Variants in NTRK2 observed in about 807,000 individuals in gnomAD.
NTRK2 encodes the protein neurotrophic receptor tyrosine kinase 2, also known as BDNF/NT-3 growth factors receptor.
NTRK2 carries 13 observed loss-of-function variants against 94.5 expected under a neutral mutation model. The ratio of observed to expected loss-of-function variants is 0.14; its 90% CI spans 0.09 to 0.22. The LOEUF (loss-of-function observed/expected upper bound fraction) is 0.22. Ranked by LOEUF, NTRK2 falls within the 10% of genes least tolerant of loss-of-function variation. NTRK2 has a pLI of 1.00. For missense variants in NTRK2, 639 were observed against 1,071.2 expected, an observed-to-expected ratio of 0.60 and a Z score of 5.63; for synonymous variants, 372 against 407.4, an observed-to-expected ratio of 0.91 and a Z score of 1.05.
At chr9:84,696,254 T>C (rs1356055575) in intron 2 of NTRK2, among the ~76,000 whole-genome samples, 2 of 152,224 alleles carry the variant, frequency 1.3e-5, no homozygotes, top group Non-Finnish European at 2.9e-5. Flanking sequence ...GCCTCCTGCC[T>C]TGGCCTCCCA....
chr9:84,907,950 C>G (rs143367458), intron 14 of NTRK2, among the ~76,000 whole-genome samples: 3 of 152,158 alleles, frequency 2.0e-5, no homozygotes, highest in African/African-American at 7.2e-5. Context: ...CAGGAGATGT[C>G]CCCTGAAGAT....
chr9:84,804,605 C>A (rs538456162), intron 12 of NTRK2, among the ~76,000 whole-genome samples: 1 of 152,278 alleles, frequency 6.6e-6, no homozygotes, highest in South Asian at 2.1e-4. Context: ...TTTCAGCACT[C>A]TGGCTTCATA....
chr9:84,718,696 T>G (rs2061868966), intron 6 of NTRK2, among the ~76,000 whole-genome samples: 1 of 152,214 alleles, frequency 6.6e-6, no homozygotes, highest in African/African-American at 2.4e-5. Context: ...TTGGAAACGT[T>G]GCTGGGCTTT....
chr9:84,767,876 T>A (rs1434593734), intron 12 of NTRK2, among the ~76,000 whole-genome samples: 2 of 152,236 alleles, frequency 1.3e-5, no homozygotes, highest in African/African-American at 4.8e-5. Context: ...ACATATTTAT[T>A]CTAGTCTGAT....
In NTRK2 at chr9:84,894,500, A is replaced by G. The variant is rs148058357; in HGVS notation, c.1633+27069A>G. 1.5e-3 allele frequency among the ~76,000 whole-genome samples: 232 copies of G among 152,264 alleles called. 3 individuals carry two copies. Among genetic ancestry groups the G allele is most frequent in the Non-Finnish European group, 2.5e-3 (171 of 68,020 alleles). On this transcript the variant is annotated intron_variant, in intron 14 of 18. Coordinates refer to ENST00000277120, the MANE Select transcript of NTRK2 (RefSeq NM_006180.6). ...CCCATCAGATACTACTCAGCAAATA[A>G]CAGGAAGATTCCCCCACCATACCCC...
At position 84,775,848 on chromosome 9, in the gene NTRK2, C is replaced by T. The variant is rs184897589; in HGVS notation, c.1396+23763C>T. 1.5e-3 allele frequency among the ~76,000 whole-genome samples: 232 copies of T among 152,264 alleles called. 2 individuals carry two copies. Among genetic ancestry groups the T allele is most frequent in the Non-Finnish European group, 3.4e-4 (23 of 68,018 alleles). The stretch of plus-strand genomic sequence containing the variant: ...GATCTGGGGCCTCATCCCAGACCTA[C>T]TGAATTCAAATCTGAATTTTAATGA... On this transcript the variant is annotated intron_variant, in intron 12 of 18. Coordinates refer to ENST00000277120, the MANE Select transcript of NTRK2 (RefSeq NM_006180.6).
intron 14 of NTRK2, chr9:84,871,710 C>A: frequency 1.7e-6 from 2 of 1,197,112 alleles, no homozygotes; most frequent in South Asian, 2.4e-5. Context: ...AGATGGTTTG[C>A]AGGATTGTAG....
At chr9:84,834,602 G>A (rs901852098) in intron 12 of NTRK2, among the ~76,000 whole-genome samples, 6 of 152,164 alleles carry the variant, frequency 3.9e-5, no homozygotes, top group African/African-American at 1.4e-4. Context: ...TCGGAGGGGT[G>A]TGTCTCATGT....
chr9:84,901,408 A>T (rs1220198595), intron 14 of NTRK2, among the ~76,000 whole-genome samples: 1 of 151,396 alleles, frequency 6.6e-6, no homozygotes, highest in South Asian at 2.1e-4. Context: ...GTGTGTGTGT[A>T]TTTTTAGTAG....
At chr9:84,719,747 G>A (rs929283065) in intron 6 of NTRK2, among the ~76,000 whole-genome samples, 7 of 151,958 alleles carry the variant, frequency 4.6e-5, no homozygotes, top group Admixed American at 6.6e-5. Flanking sequence ...GGCTGGGCAC[G>A]GTGGCTCATA....
At chr9:84,722,327 G>A (rs191850166) in intron 6 of NTRK2, among the ~76,000 whole-genome samples, 3 of 152,130 alleles carry the variant, frequency 2.0e-5, no homozygotes, top group African/African-American at 7.2e-5. Context: ...ATGAAATATA[G>A]ACTGTACAAA....
At chr9:84,771,853 C>T (rs542410541) in intron 12 of NTRK2, among the ~76,000 whole-genome samples, 4 of 152,288 alleles carry the variant, frequency 2.6e-5, no homozygotes, top group Admixed American at 6.5e-5. Context: ...TCCCACTAAC[C>T]ATCTGAGGGC....
chr9:85,026,498 G>A lies in NTRK2; in HGVS notation c.*5061G>A. On this transcript the variant is annotated 3_prime_UTR_variant, in exon 19 of 19. Coordinates refer to ENST00000277120, the MANE Select transcript of NTRK2 (RefSeq NM_006180.6). Reference sequence around the variant, plus strand: ...TATATCTTACTATTGCTTAAAAAATGTATAAAGCAGCTGGAAATGTTTTAA... The same window carrying A: ...TATATCTTACTATTGCTTAAAAAATATATAAAGCAGCTGGAAATGTTTTAA... The A allele has an allele frequency of 4.3e-6, 1 of 232,430 alleles. No homozygotes were observed. The highest frequency in any genetic ancestry group is 6.1e-5 in the East Asian group (1 of 16,424). 14.4% of individuals were successfully genotyped at this position (232,430 alleles called of 1,614,324 possible).
At chr9:85,001,106 C>T (rs1438012893) in intron 17 of NTRK2, among the ~76,000 whole-genome samples, 1 of 152,164 alleles carries the variant, frequency 6.6e-6, no homozygotes, top group Non-Finnish European at 1.5e-5. Context: ...TTTATTCTTA[C>T]ATCAGATTCA....
chr9:84,712,564 A>G (rs2061479982), intron 6 of NTRK2, among the ~76,000 whole-genome samples: 1 of 152,228 alleles, frequency 6.6e-6, no homozygotes, highest in South Asian at 2.1e-4. Flanking sequence ...AAGCAACATT[A>G]TAGAAGAGTG....
At chr9:84,763,253 C>T (rs1479703370) in intron 12 of NTRK2, among the ~76,000 whole-genome samples, 4 of 152,120 alleles carry the variant, frequency 2.6e-5, no homozygotes, top group Non-Finnish European at 5.9e-5. Flanking sequence ...CTTTTTGAAA[C>T]TCTAAGTCTG....
At chr9:84,905,058 G>A (rs891436376) in intron 14 of NTRK2, among the ~76,000 whole-genome samples, 14 of 152,164 alleles carry the variant, frequency 9.2e-5, no homozygotes, top group African/African-American at 3.1e-4. Context: ...AAGGCACACG[G>A]TGGCCTGCAG....
intron 17 of NTRK2, among the ~76,000 whole-genome samples, chr9:85,003,129 C>G (rs921030140): frequency 6.6e-6 from 1 of 152,176 alleles, no homozygotes; most frequent in African/African-American, 2.4e-5. Context: ...CAAAGCCATT[C>G]AGCTCACCTT....
At chr9:84,897,810 A>G (rs1255025828) in intron 14 of NTRK2, among the ~76,000 whole-genome samples, 3 of 152,130 alleles carry the variant, frequency 2.0e-5, no homozygotes, top group African/African-American at 2.4e-5. Context: ...TCCTTGTTGC[A>G]CCTGCCACAT....
Sources: gnomAD v4.1 joint callset for allele counts (sites outside exome capture counted in the v4.1 genomes callset) on GRCh38, gnomAD v4.1.1 for gene constraint, MANE v1.5 for transcripts, NCBI Gene and HGNC (gene_info 2026-07-23, HGNC 2026-07-21) for gene names.